Variants in KRABD5 observed in about 807,000 individuals in gnomAD.
KRABD5 encodes KRAB domain containing 5.
At chr16:31,720,612 C>A in the KRABD5 span, among the ~76,000 whole-genome samples, 8 of 152,086 alleles carry the variant, frequency 5.3e-5, no homozygotes, top group Non-Finnish European at 1.0e-4. Context: ...TACTTTTTTC[C>A]CCCACTAATA....
the KRABD5 span, among the ~76,000 whole-genome samples, chr16:31,729,337 G>A: frequency 1.2e-4 from 18 of 152,336 alleles, no homozygotes; most frequent in Non-Finnish European, 2.6e-4. Flanking sequence ...AATTTAGCCT[G>A]TGATTCTGGA....
At chr16:31,738,234 C>G in the KRABD5 span, among the ~76,000 whole-genome samples, 3 of 151,968 alleles carry the variant, frequency 2.0e-5, no homozygotes, top group Non-Finnish European at 4.4e-5. Flanking sequence ...TGTTCAGGTC[C>G]TCTGTTTCCT....
chr16:31,747,396 A>T, the KRABD5 span, among the ~76,000 whole-genome samples: 3 of 152,026 alleles, frequency 2.0e-5, no homozygotes, highest in East Asian at 5.8e-4. Flanking sequence ...TCATTGTTGG[A>T]CATTTGGGTT....
the KRABD5 span, among the ~76,000 whole-genome samples, chr16:31,726,127 G>C: frequency 1.3e-5 from 2 of 152,190 alleles, no homozygotes; most frequent in Admixed American, 1.3e-4. Flanking sequence ...TTACATTTAA[G>C]TGTTAATTCT....
At chr16:31,754,547 A>G in the KRABD5 span, 12 of 544,608 alleles carry the variant, frequency 2.2e-5, no homozygotes, top group South Asian at 1.2e-4. Context: ...TAACCATTGC[A>G]AACGTAAAAA....
At chr16:31,733,286 A>G in the KRABD5 span, among the ~76,000 whole-genome samples, 20 of 152,032 alleles carry the variant, frequency 1.3e-4, no homozygotes, top group East Asian at 3.3e-3. Flanking sequence ...AAATAATCTT[A>G]AATTCACAAT....
chr16:31,751,975 A>G, the KRABD5 span, among the ~76,000 whole-genome samples: 2 of 152,138 alleles, frequency 1.3e-5, no homozygotes, highest in Non-Finnish European at 2.9e-5. Context: ...ACTTATTTCA[A>G]AGAACTTTTA....
At chr16:31,757,941 GGATAGTTAGATAGATA>G in the KRABD5 span, 1 of 151,988 alleles carries the variant, frequency 6.6e-6, no homozygotes, top group African/African-American at 2.4e-5. Flanking sequence ...ATGGATGGAT[GGATAGTTAGATAGATA>G]GATAGATAGA....
the KRABD5 span, among the ~76,000 whole-genome samples, chr16:31,713,929 C>T: frequency 2.0e-5 from 3 of 152,200 alleles, no homozygotes; most frequent in Non-Finnish European, 2.9e-5. Context: ...TTCAAAATCC[C>T]AGGGCTCAGC....
the KRABD5 span, among the ~76,000 whole-genome samples, chr16:31,739,723 T>C: frequency 6.6e-6 from 1 of 152,182 alleles, no homozygotes. Context: ...AATCTGGCCA[T>C]AAACTGGTCC....
At chr16:31,713,610 G>C in the KRABD5 span, 1 of 941,442 alleles carries the variant, frequency 1.1e-6, no homozygotes, top group Non-Finnish European at 1.6e-6. Context: ...GACCCCGCGC[G>C]TCCGGTCCCC....
chr16:31,726,022 G>T, the KRABD5 span, among the ~76,000 whole-genome samples: 9 of 152,268 alleles, frequency 5.9e-5, no homozygotes, highest in East Asian at 1.5e-3. Context: ...TGTTGATTGT[G>T]CTTTTTTGGT....
At chr16:31,713,577 A>C in the KRABD5 span, 1 of 1,271,170 alleles carries the variant, frequency 7.9e-7, no homozygotes, top group Non-Finnish European at 1.1e-6. Context: ...CCGCCGCAAG[A>C]TGGCGGCCGG....
At chr16:31,758,349 C>T in the KRABD5 span, 1 of 151,992 alleles carries the variant, frequency 6.6e-6, no homozygotes, top group Admixed American at 6.6e-5. Context: ...ATGAAATCTA[C>T]AATATTTAAA....
the KRABD5 span, chr16:31,753,619 A>T: frequency 4.0e-6 from 3 of 742,684 alleles, no homozygotes; most frequent in Non-Finnish European, 6.2e-6. Flanking sequence ...TTAAGTTCAT[A>T]TATCAATTGA....
the KRABD5 span, chr16:31,754,870 G>A: frequency 3.2e-5 from 15 of 465,290 alleles, no homozygotes; most frequent in Non-Finnish European, 6.2e-5. Context: ...ATACTGGAGA[G>A]AAACCATACA....
chr16:31,732,620 A>G, the KRABD5 span, among the ~76,000 whole-genome samples: 177 of 152,272 alleles, frequency 1.2e-3, no homozygotes, highest in African/African-American at 3.9e-3. Context: ...ATTTTGCAAC[A>G]TTTATGTTGT....
At chr16:31,740,268 T>G in the KRABD5 span, among the ~76,000 whole-genome samples, 1 of 152,210 alleles carries the variant, frequency 6.6e-6, no homozygotes, top group African/African-American at 2.4e-5. Context: ...CACTCTGTTT[T>G]TTTATTTTTG....
the KRABD5 span, chr16:31,759,016 C>A: frequency 4.6e-6 from 1 of 215,414 alleles, no homozygotes; most frequent in Non-Finnish European, 9.5e-6. Flanking sequence ...ATAGTATTAA[C>A]TCTAAAAGTA....
Sources: allele counts gnomAD v4.1 joint callset (sites outside exome capture counted in the v4.1 genomes callset), GRCh38; gene constraint gnomAD v4.1.1; transcripts MANE v1.5; gene names NCBI Gene and HGNC (gene_info 2026-07-23, HGNC 2026-07-21).